Variants in ITGAV observed in about 807,000 individuals in gnomAD.
The protein encoded by ITGAV is integrin subunit alpha V, also known as integrin alpha-V.
A neutral mutation model predicts 143.8 loss-of-function variants in ITGAV; 76 were observed. That is an observed-to-expected ratio of 0.53 (90% CI 0.44 to 0.64). The LOEUF is 0.64. Among genes scored for constraint, ITGAV ranks in the 30% least tolerant of loss-of-function variants. The pLI is 0.00. For synonymous variants in ITGAV, 453 were observed against 446.7 expected (o/e 1.01, Z -0.18); for missense variants, 1,193 against 1,274.7 (o/e 0.94, Z 0.98).
chr2:186,658,184 C>T (rs966180145), intron 17 of ITGAV, among the ~76,000 whole-genome samples: 36 of 151,942 alleles, frequency 2.4e-4, no homozygotes, highest in African/African-American at 8.5e-4. Flanking sequence ...ATGTAATTTA[C>T]CACATGAATA....
chr2:186,668,596 T>G (rs1307427108), intron 24 of ITGAV, 166 bp from the exon 25 acceptor site: 4 of 605,218 alleles, frequency 6.6e-6, no homozygotes, highest in African/African-American at 1.9e-5. Flanking sequence ...ATGTTGAGTT[T>G]GATCATTTTT....
rs1687786144 is a variant in ITGAV, at chr2:186,630,458, A to G, written c.524-339A>G. On this transcript the variant is annotated intron_variant, in intron 4 of 29. Transcript: ENST00000261023. ...TGGTAAGATTTTAAGTTGTATCTATATATTTTATACACACAATGGGTGTTG... is the reference window on the plus strand; with the variant it reads ...TGGTAAGATTTTAAGTTGTATCTATGTATTTTATACACACAATGGGTGTTG... Among the ~76,000 whole-genome samples, 2 of 152,020 alleles carry G rather than the reference A, an allele frequency of 1.3e-5. 1 individual carries two copies. The highest frequency in any genetic ancestry group is 4.1e-4 in the South Asian group (2 of 4,826).
At position 186,648,068 on chromosome 2, in the gene ITGAV, G is replaced by A. The variant is rs144399693; in HGVS notation, c.1351+1191G>A. On this transcript the variant is annotated intron_variant, in intron 13 of 29. Coordinates refer to ENST00000261023, the MANE Select transcript of ITGAV (RefSeq NM_002210.5). ...TGCTATTCATAGTGTTTTATTCAAC[G>A]TTTCAGAAACATTTCTTTATTATTC... is the stretch of plus-strand genomic sequence containing the variant. 5.0e-4 allele frequency among the ~76,000 whole-genome samples: 76 copies of A among 152,108 alleles called. No individual in the cohort carries two copies. The Middle Eastern group carries it at 0.014, about 27-fold the overall frequency.
intron 2 of ITGAV, among the ~76,000 whole-genome samples, chr2:186,610,676 A>T (rs1335333324): frequency 6.6e-6 from 1 of 152,156 alleles, no homozygotes; most frequent in Non-Finnish European, 1.5e-5. Flanking sequence ...GTGAACTTTG[A>T]TATGTTGTGG....
At chr2:186,602,711 T>C (rs1032756667) in intron 2 of ITGAV, among the ~76,000 whole-genome samples, 3 of 152,090 alleles carry the variant, frequency 2.0e-5, no homozygotes, top group Non-Finnish European at 4.4e-5. Flanking sequence ...ACCCCATCTC[T>C]ACTAAAAATA....
chr2:186,663,935 C>G, intron 19 of ITGAV, 100 bp downstream of exon 19: 1 of 783,086 alleles, frequency 1.3e-6, no homozygotes, highest in Non-Finnish European at 2.2e-6. Flanking sequence ...ATTAGTTATC[C>G]TGGAGGGTAA....
At chr2:186,658,640 T>C (rs1036577685) in intron 17 of ITGAV, among the ~76,000 whole-genome samples, 1 of 152,202 alleles carries the variant, frequency 6.6e-6, no homozygotes, top group East Asian at 1.9e-4. Context: ...CTTAAGAGTG[T>C]AGGACAGAAA....
chr2:186,638,460 G>A lies in ITGAV; in HGVS notation c.898G>A (p.Glu300Lys), dbSNP rs201930300. The A allele has an allele frequency of 3.7e-5, 59 of 1,609,176 alleles. No individual in the cohort carries two copies. Among genetic ancestry groups the A allele is most frequent in the East Asian group, 6.7e-5 (3 of 44,840 alleles). The change falls in exon 10 of 30, where the codon GAG (glutamate) becomes AAG (lysine). Residue 300 changes from glutamate to lysine, a missense_variant. Coordinates refer to ENST00000261023, the MANE Select transcript of ITGAV (RefSeq NM_002210.5). ...NMSSLYNFTG[E>K]QMAAYFGFSV... ...GTCCTCCTTATACAATTTTACTGGCGAGCAGGTATGCTTCCAAAATATGAT... is the reference window on the plus strand; with the variant it reads ...GTCCTCCTTATACAATTTTACTGGCAAGCAGGTATGCTTCCAAAATATGAT...
At chr2:186,646,925 A>G in intron 13 of ITGAV, 48 bp downstream of exon 13, 2 of 1,209,486 alleles carry the variant, frequency 1.7e-6, no homozygotes, top group Non-Finnish European at 2.3e-6. Flanking sequence ...CAGTCCTAAT[A>G]GCAAATAGTA....
At chr2:186,646,160 A>T (rs1688251131) in intron 12 of ITGAV, among the ~76,000 whole-genome samples, 2 of 152,234 alleles carry the variant, frequency 1.3e-5, no homozygotes, top group African/African-American at 4.8e-5. Flanking sequence ...ATCTTCTTTC[A>T]GTGTAAGTTG....
chr2:186,628,644 A>G (rs1194553232), intron 4 of ITGAV, among the ~76,000 whole-genome samples: 3 of 152,120 alleles, frequency 2.0e-5, no homozygotes, highest in Non-Finnish European at 2.9e-5. Context: ...AATCAACAAT[A>G]TACTTATCAT....
At chr2:186,644,576 G>A (rs1286380902) in intron 12 of ITGAV, among the ~76,000 whole-genome samples, 3 of 151,882 alleles carry the variant, frequency 2.0e-5, no homozygotes, top group Non-Finnish European at 4.4e-5. Flanking sequence ...CACCCGCCTC[G>A]GCCTCTGAAA....
intron 2 of ITGAV, among the ~76,000 whole-genome samples, chr2:186,608,230 T>G (rs1687121135): frequency 6.6e-6 from 1 of 152,194 alleles, no homozygotes; most frequent in African/African-American, 2.4e-5. Context: ...GCAAGTAGAT[T>G]GGTGCTTCAT....
intron 2 of ITGAV, among the ~76,000 whole-genome samples, chr2:186,618,103 ATTCTC>A (rs1687419201): frequency 1.3e-5 from 2 of 152,218 alleles, no homozygotes; most frequent in East Asian, 3.8e-4. Flanking sequence ...TTTCTTTTGC[ATTCTC>A]TTCACCCAGT....
rs200210960 is a variant in ITGAV, at chr2:186,659,099, A to G, written c.1781A>G (p.Asp594Gly). The change falls in exon 18 of 30, where the codon GAT (aspartate) becomes GGT (glycine). Residue 594 changes from aspartate to glycine, a missense_variant. Asp to Gly is a moderately conservative substitution (Grantham distance 94). Coordinates refer to ENST00000261023, the MANE Select transcript of ITGAV (RefSeq NM_002210.5). ...ACTATTTTTATGGAATATCGGTTGG[A>G]TTATAGAACAGCTGCTGATACAACA... ...PITIFMEYRL[D>G]YRTAADTTGL... is the part of the protein sequence containing the mutation. The G allele has an allele frequency of 7.9e-5, 128 of 1,611,896 alleles. No homozygotes were observed. Among genetic ancestry groups the G allele is most frequent in the Non-Finnish European group, 1.1e-4 (128 of 1,178,318 alleles).
chr2:186,612,974 C>T (rs1205769729), intron 2 of ITGAV, among the ~76,000 whole-genome samples: 1 of 152,034 alleles, frequency 6.6e-6, no homozygotes, highest in Non-Finnish European at 1.5e-5. Context: ...ATTTAGAAAT[C>T]TTTTAGTCTA....
intron 13 of ITGAV, among the ~76,000 whole-genome samples, chr2:186,648,725 C>G (rs1305835667): frequency 6.6e-6 from 1 of 151,980 alleles, no homozygotes; most frequent in Non-Finnish European, 1.5e-5. Flanking sequence ...GAACTCCTGA[C>G]TTCGTGATCT....
intron 1 of ITGAV, among the ~76,000 whole-genome samples, chr2:186,595,770 G>C (rs1478229132): frequency 6.6e-6 from 1 of 152,108 alleles, no homozygotes; most frequent in East Asian, 1.9e-4. Context: ...TATCAGGAGA[G>C]AGTTGCGGGC....
At chr2:186,672,469 A>G (rs1689093730) in intron 26 of ITGAV, among the ~76,000 whole-genome samples, 1 of 152,220 alleles carries the variant, frequency 6.6e-6, no homozygotes, top group Admixed American at 6.5e-5. Flanking sequence ...TGGAAACTCT[A>G]TGTTTAACTT....
Sources: gnomAD v4.1 joint callset for allele counts (sites outside exome capture counted in the v4.1 genomes callset) on GRCh38, gnomAD v4.1.1 for gene constraint, MANE v1.5 for transcripts, NCBI Gene and HGNC (gene_info 2026-07-23, HGNC 2026-07-21) for gene names.